Variants in MYH14 observed in about 807,000 individuals in gnomAD.
MYH14 encodes the protein myosin-14.
MYH14 carries 123 observed loss-of-function variants against 255.5 expected under a neutral mutation model. That is an observed-to-expected ratio of 0.48 (90% CI 0.42 to 0.56). MYH14 has a LOEUF of 0.56. MYH14 is among the 20% of genes least tolerant of loss of function. The pLI is 0.00. For missense variants in MYH14, 2,423 were observed against 2,802.3 expected (o/e 0.86, Z 3.06); for synonymous variants, 1,095 against 1,161.2 (o/e 0.94, Z 1.16).
chr19:50,276,077 T>G lies in MYH14; in HGVS notation c.3554T>G (p.Leu1185Arg), dbSNP rs778912179. ...QAALAEAQED[L>R]ESERVARTKA... ...GCCCTGGCCGAGGCCCAGGAGGACC[T>G]GGAGTCTGAGCGTGTGGCCAGGACC... is the stretch of plus-strand genomic sequence containing the variant. The change falls in exon 28 of 43, where the codon CTG (leucine) becomes CGG (arginine). Residue 1185 changes from leucine (L) to arginine (R), a missense_variant. By Grantham distance (102) the Leu-to-Arg change is moderately radical. Coordinates refer to ENST00000642316, the MANE Select transcript of MYH14 (RefSeq NM_001145809.2). This position sits in a 1 kb window ranked among gnomAD's most constrained non-coding sequence, Gnocchi z 4.3. 6.2e-7 allele frequency: 1 copy of G among 1,611,334 alleles called. No individual in the cohort carries two copies. The highest frequency in any genetic ancestry group is 1.1e-5 in the South Asian group (1 of 90,476).
chr19:50,219,052 C>A (rs947562570), intron 3 of MYH14, among the ~76,000 whole-genome samples: 16 of 143,326 alleles, frequency 1.1e-4, no homozygotes, highest in South Asian at 2.3e-4. Flanking sequence ...TACTCTCTCT[C>A]TCTATATATA....
intron 33 of MYH14, among the ~76,000 whole-genome samples, chr19:50,282,304 A>C (rs1375533464): frequency 6.6e-6 from 1 of 152,224 alleles, no homozygotes; most frequent in Non-Finnish European, 1.5e-5. Flanking sequence ...TAGAGAGTTC[A>C]GATCAGGCAA....
At chr19:50,235,920 A>G (rs866392175) in intron 10 of MYH14, among the ~76,000 whole-genome samples, 3 of 152,206 alleles carry the variant, frequency 2.0e-5, no homozygotes, top group Middle Eastern at 3.4e-3. Context: ...GATGGACCTC[A>G]TTCCTTTTTG....
intron 10 of MYH14, among the ~76,000 whole-genome samples, chr19:50,243,076 C>T (rs984557443): frequency 6.6e-6 from 1 of 151,926 alleles, no homozygotes; most frequent in African/African-American, 2.4e-5. Context: ...CTGTTGGCCT[C>T]GAGTTCTGTG....
At chr19:50,215,618 C>T (rs1192216904) in intron 2 of MYH14, among the ~76,000 whole-genome samples, 1 of 152,236 alleles carries the variant, frequency 6.6e-6, no homozygotes, top group African/African-American at 2.4e-5. Context: ...TCAAGACCAG[C>T]CTGGGCAACA....
Position 50,266,902 on chromosome 19 carries a change from G to A in MYH14, c.2720G>A (p.Arg907Gln). 6.4e-7 allele frequency: 1 copy of A among 1,552,108 alleles called. No homozygotes were observed. Among genetic ancestry groups the A allele is most frequent in the South Asian group, 1.2e-5 (1 of 84,090 alleles). ...TKVKPLLQVT[R>Q]QDEVLQARAQ... is the part of the protein sequence containing the mutation. Reference sequence around the variant, plus strand: ...GTGAAGCCACTGCTGCAGGTGACGCGGCAGGATGAGGTGCTGCAGGCACGG... The same window carrying A: ...GTGAAGCCACTGCTGCAGGTGACGCAGCAGGATGAGGTGCTGCAGGCACGG... Residue 907 changes from arginine (R) to glutamine (Q), a missense_variant, in exon 23 of 43, where the codon CGG becomes CAG. Arg to Gln is a conservative substitution (Grantham distance 43). Transcript: ENST00000642316. This position sits in a 1 kb window ranked among gnomAD's most constrained non-coding sequence, Gnocchi z 4.1.
chr19:50,209,796 A>AAAAAAG (rs1407553418), intron 1 of MYH14, among the ~76,000 whole-genome samples: 2 of 147,528 alleles, frequency 1.4e-5, no homozygotes, highest in African/African-American at 5.0e-5. Context: ...AAAAAAAAAA[A>AAAAAAG]AAAGAAAATA....
chr19:50,292,696 T>C (rs1057236162), intron 37 of MYH14, among the ~76,000 whole-genome samples: 2 of 151,910 alleles, frequency 1.3e-5, no homozygotes, highest in African/African-American at 4.8e-5. Context: ...CATGGAAAGA[T>C]CCAGAACAGA....
At chr19:50,282,964 T>A (rs376086947) in intron 33 of MYH14, among the ~76,000 whole-genome samples, 12 of 152,242 alleles carry the variant, frequency 7.9e-5, no homozygotes, top group African/African-American at 2.9e-4. Context: ...TCTCCCACTC[T>A]CTCTCCTTCC....
At chr19:50,246,929 C>T (rs1176574681) in intron 11 of MYH14, 75 bp from the exon 12 acceptor site, 14 of 1,058,102 alleles carry the variant, frequency 1.3e-5, no homozygotes, top group Admixed American at 1.2e-4. Context: ...GTGTGGGAAA[C>T]GGTACCCTCT....
intron 10 of MYH14, among the ~76,000 whole-genome samples, chr19:50,233,878 C>G (rs2033534282): frequency 7.4e-6 from 1 of 134,758 alleles, no homozygotes; most frequent in Admixed American, 8.5e-5. Flanking sequence ...GCAAGTGGTG[C>G]AATCTCGGCT....
At chr19:50,228,154 C>T (rs56066137) in intron 8 of MYH14, among the ~76,000 whole-genome samples, 35,788 of 151,524 alleles carry the variant, frequency 0.24, 4,891 homozygotes, top group South Asian at 0.38. Flanking sequence ...GGCGTGGTGG[C>T]GCATGCTTGT....
chr19:50,251,663 C>T (rs1054369800), intron 15 of MYH14, among the ~76,000 whole-genome samples: 4 of 151,870 alleles, frequency 2.6e-5, no homozygotes, highest in Non-Finnish European at 5.9e-5. Flanking sequence ...CTGCAATCTC[C>T]GCCTCCTAGG....
chr19:50,277,167 G>A (rs535748085), intron 29 of MYH14, among the ~76,000 whole-genome samples: 1 of 152,154 alleles, frequency 6.6e-6, no homozygotes, highest in South Asian at 2.1e-4. Context: ...GAGGCAGAGG[G>A]TAAACAATAT....
At chr19:50,264,992 C>A (rs1305799707) in intron 22 of MYH14, among the ~76,000 whole-genome samples, 1 of 152,126 alleles carries the variant, frequency 6.6e-6, no homozygotes, top group African/African-American at 2.4e-5. Flanking sequence ...GCCTGCATTC[C>A]CTTGGTCAGT....
intron 41 of MYH14, 70 bp downstream of exon 41, chr19:50,307,227 T>C: frequency 3.2e-6 from 3 of 951,332 alleles, no homozygotes; most frequent in Non-Finnish European, 4.9e-6. Context: ...ACAGGCTGTC[T>C]CCAGAGGCAA....
At position 50,232,593 on chromosome 19, in the gene MYH14, CAAA is replaced by C. The variant is rs532232129; in HGVS notation, c.1114+544_1114+546del. 8.0e-4 allele frequency among the ~76,000 whole-genome samples: 51 copies of C among 63,708 alleles called. 1 individual carries two copies. In the East Asian group the frequency reaches 0.018, roughly 22 times the overall value. The allele number at this position is 63,708 out of a possible 152,430, so 41.8% of individuals were successfully genotyped here. A position where few individuals can be genotyped will look rare whatever the true frequency, so the allele number is the denominator to read the frequency against. On this transcript the variant is annotated intron_variant, in intron 10 of 42. Coordinates refer to ENST00000642316, the MANE Select transcript of MYH14 (RefSeq NM_001145809.2). ...TGGTCAACAGAGCGAGACTCTGTCT[CAAA>C]AAAAAAAAAAAAAAAAAAAACAAAA... is the stretch of plus-strand genomic sequence containing the variant.
intron 5 of MYH14, among the ~76,000 whole-genome samples, chr19:50,223,680 C>T (rs912456364): frequency 1.3e-5 from 2 of 152,174 alleles, no homozygotes; most frequent in African/African-American, 4.8e-5. Context: ...ATATGGTGCC[C>T]TCCACTGTTC....
chr19:50,271,518 T>C lies in MYH14; in HGVS notation c.3143T>C (p.Leu1048Pro). 6.2e-7 allele frequency: 1 copy of C among 1,606,476 alleles called. No homozygotes were observed. The highest frequency in any genetic ancestry group is 8.5e-7 in the Non-Finnish European group (1 of 1,176,656). Residue 1048 changes from leucine to proline, a missense_variant, in exon 25 of 43, where the codon CTG becomes CCG. Leu to Pro is a moderately conservative substitution (Grantham distance 98, BLOSUM62 -3). Transcript: ENST00000642316. ...AAATTTGAAGAGGACCTGCTGCTCC[T>C]GGAAGACCAGAATTCCAAGCTGAGC... ...MKKFEEDLLL[L>P]EDQNSKLSKE...
Sources: gnomAD v4.1 joint callset for allele counts (sites outside exome capture counted in the v4.1 genomes callset) on GRCh38, gnomAD v4.1.1 for gene constraint, Gnocchi (gnomAD v3.1) non-coding constraint, MANE v1.5 for transcripts, NCBI Gene and HGNC (gene_info 2026-07-23, HGNC 2026-07-21) for gene names.